The following ADIPOR2 variants were observed in gnomAD, a reference collection of about 807,000 sequenced individuals.
The protein encoded by ADIPOR2 is adiponectin receptor 2.
A neutral mutation model predicts 40.9 loss-of-function variants in ADIPOR2; 18 were observed. The observed-to-expected ratio is 0.44, with a 90% CI of 0.30 to 0.65. The LOEUF is 0.65. ADIPOR2 is among the 30% of genes least tolerant of loss of function. The pLI, the probability that ADIPOR2 is intolerant of heterozygous loss-of-function variation, is 0.09. For synonymous variants in ADIPOR2, 165 were observed against 166.4 expected (o/e 0.99, Z 0.06); for missense variants, 283 against 479.2 (o/e 0.59, Z 3.82).
chr12:1,711,678 C>G (rs2094677503), intron 1 of ADIPOR2, among the ~76,000 whole-genome samples: 1 of 151,792 alleles, frequency 6.6e-6, no homozygotes, highest in East Asian at 1.9e-4. Context: ...CTCTTCCTCT[C>G]TCTGTTTCTC....
Position 1,757,160 on chromosome 12 carries a change from A to G in ADIPOR2, c.171+2646A>G, listed in dbSNP as rs571896123. The G allele has an allele frequency of 2.1e-5, 6 of 285,878 alleles. No homozygotes were observed. In the South Asian group the frequency reaches 4.1e-4, roughly 20 times the overall value. The allele number at this position is 285,878 out of a possible 1,614,324, so 17.7% of individuals were successfully genotyped here. On this transcript the variant is annotated intron_variant, in intron 2 of 7. Coordinates refer to ENST00000357103, the MANE Select transcript of ADIPOR2 (RefSeq NM_024551.3). ...CCAATTTGAGATTCATAATGGCAAT[A>G]AAATTCTGTTTATCATGCTACATTA...
intron 6 of ADIPOR2, among the ~76,000 whole-genome samples, chr12:1,781,604 T>C (rs1039829007): frequency 2.0e-5 from 3 of 152,174 alleles, no homozygotes; most frequent in African/African-American, 7.2e-5. Context: ...GGATAATGCC[T>C]GTTTAGCTGG....
intron 1 of ADIPOR2, among the ~76,000 whole-genome samples, chr12:1,698,462 TC>T (rs1235410139): frequency 6.6e-6 from 1 of 152,164 alleles, no homozygotes; most frequent in Non-Finnish European, 1.5e-5. Context: ...ACTCAAGTGA[TC>T]CTCTTTGCCT....
At chr12:1,770,230 T>C (rs1290999865) in intron 2 of ADIPOR2, among the ~76,000 whole-genome samples, 1 of 152,246 alleles carries the variant, frequency 6.6e-6, no homozygotes, top group Non-Finnish European at 1.5e-5. Flanking sequence ...TAATCAGAAT[T>C]ACTGATTGTG....
chr12:1,713,035 C>G (rs1320073057), intron 1 of ADIPOR2, among the ~76,000 whole-genome samples: 1 of 152,054 alleles, frequency 6.6e-6, no homozygotes, highest in African/African-American at 2.4e-5. Flanking sequence ...GACCAGAGTG[C>G]CTGGACTTGA....
intron 1 of ADIPOR2, chr12:1,697,634 T>G (rs2094642015): frequency 6.6e-6 from 1 of 152,378 alleles, no homozygotes; most frequent in Admixed American, 6.5e-5. Context: ...AGTCACAACA[T>G]GAGTATGTAA....
chr12:1,748,245 T>A (rs956239790), intron 1 of ADIPOR2, among the ~76,000 whole-genome samples: 2 of 152,114 alleles, frequency 1.3e-5, no homozygotes, highest in African/African-American at 4.8e-5. Context: ...TTTACTTTTA[T>A]TATTTATTTA....
At chr12:1,766,823 C>A (rs1406615869) in intron 2 of ADIPOR2, among the ~76,000 whole-genome samples, 1 of 152,184 alleles carries the variant, frequency 6.6e-6, no homozygotes, top group East Asian at 1.9e-4. Context: ...AACTTTTATT[C>A]ATTCAACCTT....
At chr12:1,693,828 C>T (rs1282022501) in intron 1 of ADIPOR2, among the ~76,000 whole-genome samples, 1 of 152,082 alleles carries the variant, frequency 6.6e-6, no homozygotes, top group East Asian at 1.9e-4. Context: ...CAACCGTGCC[C>T]AGCCCTGTAA....
chr12:1,733,889 G>C (rs1188496007), intron 1 of ADIPOR2, among the ~76,000 whole-genome samples: 1 of 151,962 alleles, frequency 6.6e-6, no homozygotes, highest in Non-Finnish European at 1.5e-5. Context: ...ATAGTTTGCT[G>C]AGAATGATGA....
At chr12:1,715,964 C>G (rs972794552) in intron 1 of ADIPOR2, among the ~76,000 whole-genome samples, 2 of 152,106 alleles carry the variant, frequency 1.3e-5, no homozygotes, top group Non-Finnish European at 2.9e-5. Flanking sequence ...CAGCGGCAAC[C>G]TGGTCGGGTC....
At chr12:1,747,567 C>T (rs2094758406) in intron 1 of ADIPOR2, among the ~76,000 whole-genome samples, 1 of 152,144 alleles carries the variant, frequency 6.6e-6, no homozygotes, top group Admixed American at 6.5e-5. Flanking sequence ...AGGTCACTTG[C>T]TTCCAGGCTT....
At chr12:1,742,474 T>C (rs1426294864) in intron 1 of ADIPOR2, among the ~76,000 whole-genome samples, 1 of 152,204 alleles carries the variant, frequency 6.6e-6, no homozygotes, top group Non-Finnish European at 1.5e-5. Flanking sequence ...ATGGCTAATT[T>C]TGAAAGAGCG....
intron 1 of ADIPOR2, among the ~76,000 whole-genome samples, chr12:1,695,280 A>G (rs2094636127): frequency 1.3e-5 from 2 of 151,668 alleles, no homozygotes; most frequent in African/African-American, 4.8e-5. Context: ...GCTTGAGGCT[A>G]GGAGTTTGAG....
chr12:1,754,433 A>G lies in ADIPOR2; in HGVS notation c.90A>G (p.Thr30=), dbSNP rs756279117. The G allele has an allele frequency of 6.2e-7, 1 of 1,613,782 alleles. No homozygotes were observed. The highest frequency in any genetic ancestry group is 8.5e-7 in the Non-Finnish European group (1 of 1,179,900). The change falls in exon 2 of 8, where the codon ACA becomes ACG. Residue 30 remains threonine, a synonymous_variant. Coordinates refer to ENST00000357103, the MANE Select transcript of ADIPOR2 (RefSeq NM_024551.3). ...RLRKGHQLDG[T]RRGDNDSHQG... ...GAAAAGGGCACCAACTGGATGGTAC[A>G]CGAAGAGGTGATAATGACAGCCACC... is the stretch of plus-strand genomic sequence containing the variant.
intron 2 of ADIPOR2, among the ~76,000 whole-genome samples, chr12:1,771,540 T>C (rs1238139542): frequency 6.6e-6 from 1 of 152,148 alleles, no homozygotes; most frequent in East Asian, 1.9e-4. Context: ...TAAACAAAGA[T>C]GGAGAGGTTA....
intron 1 of ADIPOR2, among the ~76,000 whole-genome samples, chr12:1,752,754 G>C (rs1477997372): frequency 2.6e-5 from 4 of 152,274 alleles, no homozygotes; most frequent in African/African-American, 9.6e-5. Flanking sequence ...ATTTACCTTT[G>C]TTGATTCTCA....
intron 1 of ADIPOR2, among the ~76,000 whole-genome samples, chr12:1,735,684 G>A (rs1465009618): frequency 6.6e-6 from 1 of 152,192 alleles, no homozygotes; most frequent in Non-Finnish European, 1.5e-5. Flanking sequence ...AGTTTTCAAA[G>A]GCAATGCTTC....
intron 1 of ADIPOR2, among the ~76,000 whole-genome samples, chr12:1,702,392 C>G (rs547668924): frequency 6.6e-6 from 1 of 152,246 alleles, no homozygotes; most frequent in South Asian, 2.1e-4. Context: ...GTCAAATTTG[C>G]TGTCACTTTG....
Sources: allele counts gnomAD v4.1 joint callset (sites outside exome capture counted in the v4.1 genomes callset), GRCh38; gene constraint gnomAD v4.1.1; transcripts MANE v1.5; gene names NCBI Gene and HGNC (gene_info 2026-07-23, HGNC 2026-07-21).